MYO16: variants seen among roughly 807,000 people sequenced by gnomAD.
The protein encoded by MYO16 is unconventional myosin-XVI.
MYO16 carries 94 observed loss-of-function variants against 205.3 expected under a neutral mutation model. The observed-to-expected ratio is 0.46, with a 90% CI of 0.39 to 0.54. The LOEUF is 0.54. MYO16 is among the 20% of genes least tolerant of loss of function. The probability of loss-of-function intolerance (pLI) is 0.00; values close to 1 mark genes in which losing one functional copy is unlikely to be tolerated. For synonymous variants in MYO16, 988 were observed against 954.0 expected, an observed-to-expected ratio of 1.04 and a Z score of -0.66; for missense variants, 2,315 against 2,387.5, an observed-to-expected ratio of 0.97 and a Z score of 0.63.
intron 4 of MYO16, among the ~76,000 whole-genome samples, chr13:108,767,410 G>T (rs1472291435): frequency 6.6e-6 from 1 of 152,052 alleles, no homozygotes; most frequent in Non-Finnish European, 1.5e-5. Context: ...CTGTATCTGG[G>T]TATTTTTTTA....
At chr13:108,885,541 T>C (rs566810216) in intron 13 of MYO16, among the ~76,000 whole-genome samples, 3 of 152,332 alleles carry the variant, frequency 2.0e-5, no homozygotes, top group Non-Finnish European at 2.9e-5. Context: ...CTTTGATAAA[T>C]AGGGAAAACT....
At chr13:108,823,387 G>T in intron 9 of MYO16, 109 bp downstream of exon 9, 1 of 996,760 alleles carries the variant, frequency 1.0e-6, no homozygotes, top group Non-Finnish European at 1.4e-6. Context: ...AATTAAAATG[G>T]TTTATCAATG....
intron 33 of MYO16, among the ~76,000 whole-genome samples, chr13:109,168,258 G>A (rs1055992845): frequency 1.3e-5 from 2 of 152,040 alleles, no homozygotes; most frequent in Non-Finnish European, 2.9e-5. Flanking sequence ...CTTATTTAAT[G>A]TAAACTTATA....
chr13:108,671,980 G>T (rs551427802), intron 2 of MYO16, among the ~76,000 whole-genome samples: 7 of 152,062 alleles, frequency 4.6e-5, no homozygotes, highest in African/African-American at 1.2e-4. Flanking sequence ...CTGTAATAGG[G>T]CATATTTATT....
intron 10 of MYO16, among the ~76,000 whole-genome samples, chr13:108,848,817 C>T (rs573589065): frequency 4.6e-5 from 7 of 152,146 alleles, no homozygotes; most frequent in African/African-American, 7.2e-5. Context: ...CCTGTCTTGA[C>T]GAAAAAAAGT....
intron 22 of MYO16, among the ~76,000 whole-genome samples, chr13:109,011,067 G>A (rs1407381475): frequency 6.6e-6 from 1 of 150,956 alleles, no homozygotes; most frequent in Non-Finnish European, 1.5e-5. Flanking sequence ...ACTTCCTGTT[G>A]AGCCAGCACT....
Position 108,785,620 on chromosome 13 carries a change from T to A in MYO16, c.508-15T>A. 6.6e-7 allele frequency: 1 copy of A among 1,524,388 alleles called. No homozygotes were observed. The highest frequency in any genetic ancestry group is 2.3e-5 in the East Asian group (1 of 44,402). 94.4% of individuals were successfully genotyped at this position (1,524,388 alleles called of 1,614,324 possible). On this transcript the variant is annotated splice_polypyrimidine_tract_variant and intron_variant, in intron 4 of 34. Transcript: ENST00000457511. ...AACAGTATATATGATGTTATATTTTTTTCTTTTTATCTAGGCTGGAGCCAA... is the reference window on the plus strand; with the variant it reads ...AACAGTATATATGATGTTATATTTTATTCTTTTTATCTAGGCTGGAGCCAA...
intron 13 of MYO16, among the ~76,000 whole-genome samples, chr13:108,883,637 C>A (rs968673631): frequency 7.0e-6 from 1 of 142,550 alleles, no homozygotes; most frequent in Non-Finnish European, 1.5e-5. Context: ...ACTTCCTAAA[C>A]TTTTTTTTTT....
At chr13:108,873,155 G>A (rs1400369563) in intron 12 of MYO16, among the ~76,000 whole-genome samples, 1 of 152,038 alleles carries the variant, frequency 6.6e-6, no homozygotes, top group Non-Finnish European at 1.5e-5. Context: ...ATTGTATTAT[G>A]TCTGTTGTTT....
intron 2 of MYO16, among the ~76,000 whole-genome samples, chr13:108,708,096 G>A (rs150105699): frequency 0.025 from 3,851 of 152,200 alleles, 74 homozygotes; most frequent in Admixed American, 0.043. Context: ...TGAGAAGCCC[G>A]GAACTAGCAA....
intron 14 of MYO16, among the ~76,000 whole-genome samples, chr13:108,891,456 A>G (rs1193813771): frequency 1.3e-5 from 2 of 152,232 alleles, no homozygotes; most frequent in Admixed American, 6.5e-5. Context: ...TTCCACATAT[A>G]CACTAACAGA....
chr13:108,634,023 C>A (rs957912294), intron 1 of MYO16, among the ~76,000 whole-genome samples: 1 of 152,162 alleles, frequency 6.6e-6, no homozygotes, highest in Non-Finnish European at 1.5e-5. Context: ...GTGGAACCCC[C>A]CTTTCCAGCA....
chr13:109,113,812 G>A (rs1413620636), intron 28 of MYO16, among the ~76,000 whole-genome samples: 1 of 152,122 alleles, frequency 6.6e-6, no homozygotes, highest in Non-Finnish European at 1.5e-5. Flanking sequence ...AGGTGCTCAG[G>A]GAACACCCAG....
chr13:108,972,359 T>C lies in MYO16; in HGVS notation c.2369+7457T>C, dbSNP rs1490502997. Among the ~76,000 whole-genome samples, 171 of 28,554 alleles carry C rather than the reference T, an allele frequency of 6.0e-3. 21 individuals are homozygous for C. The highest frequency in any genetic ancestry group is 0.039 in the African/African-American group (165 of 4,182). 18.7% of individuals were successfully genotyped at this position (28,554 alleles called of 152,430 possible). ...ATATATATATATATAGCCATATATA[T>C]ATATATATATATATATATATATATA... is the stretch of plus-strand genomic sequence containing the variant. On this transcript the variant is annotated intron_variant, in intron 20 of 34. Transcript: ENST00000457511.
upstream of MYO16, among the ~76,000 whole-genome samples, chr13:108,624,784 AGTGTGTGTGT>A (rs6145237): frequency 1.8e-3 from 166 of 90,856 alleles, no homozygotes; most frequent in Middle Eastern, 7.1e-3. Context: ...ATATAGCCTG[AGTGTGTGTGT>A]GTGTGTGTGT....
At chr13:108,530,357 A>G in the MYO16 span, among the ~76,000 whole-genome samples, 1 of 152,236 alleles carries the variant, frequency 6.6e-6, no homozygotes, top group East Asian at 1.9e-4. Flanking sequence ...AAAGCTGCAA[A>G]GAAGAATGGG....
At chr13:109,167,762 A>G (rs538025539) in intron 33 of MYO16, among the ~76,000 whole-genome samples, 3 of 152,356 alleles carry the variant, frequency 2.0e-5, no homozygotes, top group East Asian at 1.9e-4. Context: ...AATATGTACT[A>G]TCTTCGAAAA....
intron 7 of MYO16, among the ~76,000 whole-genome samples, chr13:108,817,416 A>T (rs555669055): frequency 5.9e-5 from 9 of 152,336 alleles, no homozygotes; most frequent in Admixed American, 5.2e-4. Context: ...GCAAACATAT[A>T]CATTTCTGTG....
intron 20 of MYO16, among the ~76,000 whole-genome samples, chr13:108,982,388 T>C (rs868094749): frequency 6.6e-6 from 1 of 152,170 alleles, no homozygotes; most frequent in Non-Finnish European, 1.5e-5. Flanking sequence ...ATACAACTTA[T>C]TTTTTAAAAA....
Sources: allele counts gnomAD v4.1 joint callset (sites outside exome capture counted in the v4.1 genomes callset), GRCh38; gene constraint gnomAD v4.1.1; transcripts MANE v1.5; gene names NCBI Gene and HGNC (gene_info 2026-07-23, HGNC 2026-07-21).